LRPPRC: variants seen among roughly 807,000 people sequenced by gnomAD.
LRPPRC encodes leucine rich pentatricopeptide repeat containing, also known as leucine-rich PPR motif-containing protein, mitochondrial.
Under a neutral mutation model 180.3 loss-of-function variants are expected in LRPPRC, and 120 were observed. The ratio of observed to expected loss-of-function variants is 0.67; its 90% CI spans 0.57 to 0.77. The LOEUF is 0.77. Among genes scored for constraint, LRPPRC ranks in the 30% least tolerant of loss-of-function variants. LRPPRC has a pLI of 0.00. For missense variants in LRPPRC, 2,012 were observed against 1,657.2 expected, an observed-to-expected ratio of 1.21 and a Z score of -3.72; for synonymous variants, 723 against 600.0, an observed-to-expected ratio of 1.21 and a Z score of -3.00.
intron 30 of LRPPRC, among the ~76,000 whole-genome samples, chr2:43,909,816 G>C (rs1671194347): frequency 6.6e-6 from 1 of 151,980 alleles, no homozygotes; most frequent in Admixed American, 6.6e-5. Flanking sequence ...TAAAGATCTA[G>C]AGAAGAAGGG....
At chr2:43,890,227 C>T (rs1253643658) in intron 36 of LRPPRC, 1 of 413,230 alleles carries the variant, frequency 2.4e-6, no homozygotes, top group Non-Finnish European at 4.8e-6. Flanking sequence ...ACACACCATT[C>T]AATCCCCTTT....
intron 13 of LRPPRC, among the ~76,000 whole-genome samples, chr2:43,958,594 A>G (rs1673216880): frequency 1.3e-5 from 2 of 152,226 alleles, no homozygotes. Context: ...TGAGTCACTC[A>G]AGGAATTTTA....
At chr2:43,933,720 A>G (rs1672173703) in intron 25 of LRPPRC, among the ~76,000 whole-genome samples, 1 of 152,202 alleles carries the variant, frequency 6.6e-6, no homozygotes, top group Non-Finnish European at 1.5e-5. Flanking sequence ...AAGAAGAAGA[A>G]AATTTAAATT....
chr2:43,968,511 C>A (rs1271200445), intron 11 of LRPPRC, among the ~76,000 whole-genome samples: 1 of 152,144 alleles, frequency 6.6e-6, no homozygotes, highest in Non-Finnish European at 1.5e-5. Context: ...TCAATATTAC[C>A]ACTTGGCTTA....
intron 1 of LRPPRC, among the ~76,000 whole-genome samples, chr2:43,993,347 A>ACT (rs1487166291): frequency 6.6e-6 from 1 of 152,220 alleles, no homozygotes; most frequent in Non-Finnish European, 1.5e-5. Context: ...ACCTTAAGGA[A>ACT]TAATTTTTGC....
intron 30 of LRPPRC, among the ~76,000 whole-genome samples, chr2:43,906,057 T>C (rs920374586): frequency 2.0e-5 from 3 of 152,168 alleles, no homozygotes; most frequent in African/African-American, 4.8e-5. Context: ...TCTTGAATGC[T>C]GACATATTAG....
At chr2:43,947,235 T>C in intron 20 of LRPPRC, 22 bp downstream of exon 20, 1 of 1,221,232 alleles carries the variant, frequency 8.2e-7, no homozygotes, top group Non-Finnish European at 1.2e-6. Context: ...TAATAATATT[T>C]AAATATTAAA....
intron 29 of LRPPRC, among the ~76,000 whole-genome samples, chr2:43,915,222 TCTCTCTCTCTCACACA>T (rs778284322): frequency 1.1e-3 from 117 of 106,000 alleles, no homozygotes; most frequent in Admixed American, 8.0e-3. Flanking sequence ...TCTCTCTCTC[TCTCTCTCTCTCACACA>T]CACACACACA....
chr2:43,983,137 T>G (rs1674385178), intron 1 of LRPPRC, among the ~76,000 whole-genome samples: 1 of 152,100 alleles, frequency 6.6e-6, no homozygotes, highest in Non-Finnish European at 1.5e-5. Flanking sequence ...GAAGCCAGAA[T>G]GGAAAGAAAA....
At chr2:43,935,798 A>C (rs1011122123) in intron 23 of LRPPRC, among the ~76,000 whole-genome samples, 4 of 152,210 alleles carry the variant, frequency 2.6e-5, no homozygotes, top group African/African-American at 9.6e-5. Context: ...TAAAAGGACA[A>C]TGTTAGTATG....
intron 1 of LRPPRC, among the ~76,000 whole-genome samples, chr2:43,984,237 T>C (rs752004859): frequency 7.2e-5 from 11 of 152,164 alleles, no homozygotes; most frequent in Admixed American, 5.2e-4. Flanking sequence ...GCAATAATAT[T>C]AGTCAACAAC....
chr2:43,949,719 C>G, intron 15 of LRPPRC, 60 bp from the exon 16 acceptor site: 2 of 1,122,944 alleles, frequency 1.8e-6, no homozygotes, highest in Non-Finnish European at 2.7e-6. Context: ...CAAACACAAT[C>G]TGAAATTGAA....
chr2:43,924,621 T>A (rs1358186918), intron 27 of LRPPRC, among the ~76,000 whole-genome samples: 2 of 152,146 alleles, frequency 1.3e-5, no homozygotes, highest in Non-Finnish European at 2.9e-5. Flanking sequence ...ATAATGACAT[T>A]TAAAAAGCTG....
chr2:43,981,029 T>C (rs1042145323), intron 2 of LRPPRC, among the ~76,000 whole-genome samples: 2 of 152,190 alleles, frequency 1.3e-5, no homozygotes, highest in Non-Finnish European at 2.9e-5. Flanking sequence ...CACTTCTGAG[T>C]GTGTCTGAAA....
intron 1 of LRPPRC, among the ~76,000 whole-genome samples, chr2:43,995,563 G>A (rs1243730642): frequency 1.3e-5 from 2 of 152,224 alleles, no homozygotes; most frequent in African/African-American, 2.4e-5. Flanking sequence ...CTGAAGTGGC[G>A]GGGGCAGGAT....
At chr2:43,914,366 T>C (rs1203508607) in intron 29 of LRPPRC, among the ~76,000 whole-genome samples, 1 of 152,168 alleles carries the variant, frequency 6.6e-6, no homozygotes, top group Non-Finnish European at 1.5e-5. Flanking sequence ...AAGCATTCAA[T>C]TTTCAAAGCA....
At chr2:43,894,400 C>T (rs981917984) in intron 36 of LRPPRC, 145 bp downstream of exon 36, 29 of 587,620 alleles carry the variant, frequency 4.9e-5, no homozygotes, top group Non-Finnish European at 8.6e-5. Context: ...TTATTTATAT[C>T]ATAATTATCT....
Position 43,982,291 on chromosome 2 carries a change from C to T in LRPPRC, c.293G>A (p.Gly98Asp). Residue 98 changes from glycine to aspartate, a missense_variant, in exon 2 of 38, where the codon GGC (glycine) becomes GAC (aspartate). By Grantham distance (94) the Gly-to-Asp change is moderately conservative. Transcript: ENST00000260665. Reference protein sequence around the residue: ...MRLDLSVRRTGRIPKKLLQKV... With the variant: ...MRLDLSVRRTDRIPKKLLQKV... ...TTGTAGAAGCTTCTTTGGAATGCGG[C>T]CAGTTCTTCGAACAGAAAGATCTAG... The T allele has an allele frequency of 6.3e-7, 1 of 1,584,510 alleles. No individual in the cohort carries two copies. Among genetic ancestry groups the T allele is most frequent in the Non-Finnish European group, 8.6e-7 (1 of 1,166,984 alleles).
chr2:43,988,405 G>A (rs1185622113), intron 1 of LRPPRC, among the ~76,000 whole-genome samples: 2 of 151,818 alleles, frequency 1.3e-5, no homozygotes, highest in East Asian at 1.9e-4. Context: ...GCATGGTGGC[G>A]CATGCCTATA....
Sources: allele counts gnomAD v4.1 joint callset (sites outside exome capture counted in the v4.1 genomes callset), GRCh38; gene constraint gnomAD v4.1.1; transcripts MANE v1.5; gene names NCBI Gene and HGNC (gene_info 2026-07-23, HGNC 2026-07-21).